Variants in MAPK10 observed in about 807,000 individuals in gnomAD.
The protein encoded by MAPK10 is JNK3 alpha protein kinase.
In MAPK10, 25 loss-of-function variants were observed where a neutral mutation model predicts 59.3. That is an observed-to-expected ratio of 0.42 (90% CI 0.31 to 0.59). The LOEUF (loss-of-function observed/expected upper bound fraction) is 0.59. MAPK10 is among the 20% of genes least tolerant of loss of function. The pLI, the probability that MAPK10 is intolerant of heterozygous loss-of-function variation, is 0.15. For synonymous variants in MAPK10, 190 were observed against 200.5 expected (o/e 0.95, Z 0.44); for missense variants, 351 against 568.9 (o/e 0.62, Z 3.90).
chr4:86,503,013 C>A (rs542840822), intron 1 of MAPK10, among the ~76,000 whole-genome samples: 2 of 152,128 alleles, frequency 1.3e-5, no homozygotes, highest in South Asian at 4.1e-4. Context: ...TCCAATGCCT[C>A]TGGAATCTCA....
At chr4:86,048,836 G>A (rs1257348404) in intron 11 of MAPK10, among the ~76,000 whole-genome samples, 1 of 151,976 alleles carries the variant, frequency 6.6e-6, no homozygotes, top group East Asian at 1.9e-4. Flanking sequence ...ATTCCAAAGT[G>A]TCTATTAATT....
chr4:86,384,231 G>A (rs1182184911), intron 1 of MAPK10: 1 of 152,096 alleles, frequency 6.6e-6, no homozygotes, highest in African/African-American at 2.4e-5. Context: ...CCAGGAACTG[G>A]AAAAACTGCA....
chr4:86,326,021 A>G (rs1286575746), intron 2 of MAPK10: 1 of 152,216 alleles, frequency 6.6e-6, no homozygotes, highest in East Asian at 1.9e-4. Flanking sequence ...GCTATAATAA[A>G]GATATGTTGT....
intron 1 of MAPK10, among the ~76,000 whole-genome samples, chr4:86,547,716 G>A (rs1759347086): frequency 6.6e-6 from 1 of 152,252 alleles, no homozygotes; most frequent in African/African-American, 2.4e-5. Context: ...CCTGAGTCTA[G>A]TGGGGATGTG....
chr4:86,216,600 T>C (rs1262870441), intron 2 of MAPK10, among the ~76,000 whole-genome samples: 1 of 151,854 alleles, frequency 6.6e-6, no homozygotes, highest in Admixed American at 6.6e-5. Flanking sequence ...ATAAGATTAA[T>C]CCCTAATAAT....
intron 2 of MAPK10, among the ~76,000 whole-genome samples, chr4:86,224,477 A>G (rs1011878934): frequency 1.3e-5 from 2 of 152,202 alleles, no homozygotes; most frequent in African/African-American, 4.8e-5. Flanking sequence ...GGGACTAGCA[A>G]AGACACAGTG....
intron 2 of MAPK10, among the ~76,000 whole-genome samples, chr4:86,211,378 A>T (rs978994927): frequency 3.3e-5 from 5 of 152,126 alleles, no homozygotes. Flanking sequence ...TAAGATTATT[A>T]GCAGATTTCT....
intron 1 of MAPK10, chr4:86,384,156 G>C (rs770923994): frequency 1.3e-5 from 2 of 152,152 alleles, no homozygotes; most frequent in African/African-American, 4.8e-5. Context: ...AAGTAGCTTT[G>C]ATGTTTTCAT....
At chr4:86,117,899 G>A (rs2058531017) in intron 4 of MAPK10, 1 of 152,144 alleles carries the variant, frequency 6.6e-6, no homozygotes, top group African/African-American at 2.4e-5. Context: ...CCAGCTCTAT[G>A]ATTTCCTATC....
chr4:86,099,141 C>T (rs1319836219), intron 8 of MAPK10: 1 of 152,264 alleles, frequency 6.6e-6, no homozygotes, highest in Non-Finnish European at 1.5e-5. Flanking sequence ...GGTTTAGAGG[C>T]AAAAGAATTG....
At chr4:86,278,760 C>A (rs2094683563) in intron 2 of MAPK10, among the ~76,000 whole-genome samples, 1 of 152,086 alleles carries the variant, frequency 6.6e-6, no homozygotes, top group Non-Finnish European at 1.5e-5. Context: ...AAAAGTCCTT[C>A]CCCCAAATTC....
intron 2 of MAPK10, among the ~76,000 whole-genome samples, chr4:86,299,108 G>C (rs946522185): frequency 6.6e-6 from 1 of 152,158 alleles, no homozygotes; most frequent in African/African-American, 2.4e-5. Context: ...ACAATAAATA[G>C]TGATTAGAGT....
At chr4:86,255,161 G>A (rs572082316) in intron 2 of MAPK10, among the ~76,000 whole-genome samples, 34 of 152,198 alleles carry the variant, frequency 2.2e-4, no homozygotes, top group African/African-American at 7.7e-4. Flanking sequence ...GTAGAGAGTA[G>A]TAAAATGGAG....
chr4:86,031,492 C>T, intron 11 of MAPK10, 61 bp from the exon 12 acceptor site: 2 of 1,172,482 alleles, frequency 1.7e-6, no homozygotes, highest in African/African-American at 1.5e-5. Context: ...TAAACTCTTA[C>T]AATGCACGAG....
At chr4:86,292,829 T>C (rs181683441) in intron 2 of MAPK10, among the ~76,000 whole-genome samples, 1 of 152,296 alleles carries the variant, frequency 6.6e-6, no homozygotes, top group Admixed American at 6.5e-5. Context: ...GGAGGGCCAA[T>C]TAAACCACTT....
intron 2 of MAPK10, among the ~76,000 whole-genome samples, chr4:86,320,054 C>A (rs929305682): frequency 6.6e-6 from 1 of 152,204 alleles, no homozygotes; most frequent in Non-Finnish European, 1.5e-5. Flanking sequence ...GAGAAGTAGT[C>A]AAACTTCAAG....
At chr4:86,051,768 G>A (rs1332161535) in intron 11 of MAPK10, among the ~76,000 whole-genome samples, 1 of 152,080 alleles carries the variant, frequency 6.6e-6, no homozygotes, top group Non-Finnish European at 1.5e-5. Context: ...AATTTTCTGT[G>A]TGTTTTTGTT....
chr4:86,107,519 A>C, intron 4 of MAPK10, 167 bp from the exon 5 acceptor site: 1 of 1,295,794 alleles, frequency 7.7e-7, no homozygotes, highest in East Asian at 3.1e-5. Flanking sequence ...AGTGACTGGC[A>C]TAAGAATATT....
At position 86,335,118 on chromosome 4, in the gene MAPK10, C is replaced by G. The variant is rs147122796; in HGVS notation, c.-7+19412G>C. 22 of 152,298 alleles carry G rather than the reference C, an allele frequency of 1.4e-4. No homozygotes were observed. The East Asian group carries it at 4.3e-3, about 29-fold the overall frequency. 9.4% of individuals were successfully genotyped at this position (152,298 alleles called of 1,614,324 possible). On this transcript the variant is annotated intron_variant, in intron 2 of 13. Coordinates refer to ENST00000641462, the MANE Select transcript of MAPK10 (RefSeq NM_138982.4). ...AGAATTGACTGTCAATACCCATCTC[C>G]ACACACCAACCCTGCGCCTCTAATT...
Sources: allele counts gnomAD v4.1 joint callset (sites outside exome capture counted in the v4.1 genomes callset), GRCh38; gene constraint gnomAD v4.1.1; transcripts MANE v1.5; gene names NCBI Gene and HGNC (gene_info 2026-07-23, HGNC 2026-07-21).